PLD5: variants seen among roughly 807,000 people sequenced by gnomAD.
The protein encoded by PLD5 is inactive phospholipase D5.
PLD5 carries 36 observed loss-of-function variants against 61.1 expected under a neutral mutation model. The observed-to-expected ratio is 0.59, with a 90% CI of 0.45 to 0.78. The LOEUF (loss-of-function observed/expected upper bound fraction) is 0.78, where lower values mean the gene tolerates loss of function less well. Ranked by LOEUF, PLD5 falls within the 30% of genes least tolerant of loss-of-function variation. The pLI is 0.00. For missense variants in PLD5, 515 were observed against 644.4 expected (o/e 0.80, Z 2.17); for synonymous variants, 243 against 242.8 (o/e 1.00, Z -0.01).
At chr1:242,485,250 G>C in intron 1 of PLD5, among the ~76,000 whole-genome samples, 1 of 152,052 alleles carries the variant, frequency 6.6e-6, no homozygotes, top group East Asian at 1.9e-4. Flanking sequence ...ATTCAATTAG[G>C]AAAAAAGGAA....
chr1:242,240,691 A>T (rs1450905044), intron 4 of PLD5, among the ~76,000 whole-genome samples: 2 of 152,164 alleles, frequency 1.3e-5, no homozygotes, highest in Non-Finnish European at 1.5e-5. Flanking sequence ...CAAAAAAAAC[A>T]AAAAATATTT....
At chr1:242,192,250 GT>G (rs1376398338) in intron 5 of PLD5, 1 of 152,330 alleles carries the variant, frequency 6.6e-6, no homozygotes, top group African/African-American at 2.4e-5. Context: ...CCATGTTTCT[GT>G]TTCTCCAGCC....
intron 1 of PLD5, among the ~76,000 whole-genome samples, chr1:242,475,834 T>G (rs1011355144): frequency 6.6e-6 from 1 of 151,970 alleles, no homozygotes; most frequent in African/African-American, 2.4e-5. Flanking sequence ...GAGTGTGTGC[T>G]CAGAGGCACC....
In PLD5 at chr1:242,394,354, ATGTGTG is replaced by A. The variant is rs1172674028; in HGVS notation, c.190-46118_190-46113del. Among the ~76,000 whole-genome samples, 2 of 90,994 alleles carry A rather than the reference ATGTGTG, an allele frequency of 2.2e-5. 1 individual carries two copies. Among genetic ancestry groups the A allele is most frequent in the Non-Finnish European group, 4.3e-5 (2 of 46,862 alleles). 59.7% of individuals were successfully genotyped at this position (90,994 alleles called of 152,430 possible). A position where few individuals can be genotyped will look rare whatever the true frequency, so the allele number is the denominator to read the frequency against. On this transcript the variant is annotated intron_variant, in intron 1 of 9. Transcript: ENST00000536534. ...TATATGTGTGTATATATGAGTATAT[ATGTGTG>A]TATATATGAGTATATATGTGTGTAT...
intron 5 of PLD5, among the ~76,000 whole-genome samples, chr1:242,161,785 G>T (rs1237065264): frequency 2.0e-5 from 3 of 152,138 alleles, no homozygotes; most frequent in African/African-American, 4.8e-5. Flanking sequence ...GTCTAGCAGG[G>T]ACTGTTAGAA....
chr1:242,372,771 A>G (rs1474054998), intron 1 of PLD5, among the ~76,000 whole-genome samples: 5 of 152,162 alleles, frequency 3.3e-5, no homozygotes, highest in Non-Finnish European at 7.3e-5. Flanking sequence ...TCCCTTCCTT[A>G]CACCTTATAC....
intron 1 of PLD5, among the ~76,000 whole-genome samples, chr1:242,371,867 G>GT (rs5782232): frequency 0.15 from 22,852 of 148,902 alleles, 1,730 homozygotes; most frequent in Admixed American, 0.2. Context: ...TTTTTTAAAA[G>GT]TTTTTTTTTT....
At chr1:242,152,498 C>T (rs1574403386) in intron 5 of PLD5, among the ~76,000 whole-genome samples, 2 of 152,072 alleles carry the variant, frequency 1.3e-5, no homozygotes, top group East Asian at 3.9e-4. Flanking sequence ...AATGCTATCC[C>T]TCCCCTAGCC....
Position 242,511,342 on chromosome 1 carries a change from C to T in PLD5, c.189+12746G>A, listed in dbSNP as rs185541634. On this transcript the variant is annotated intron_variant, in intron 1 of 9. Transcript: ENST00000536534. ...AAGAATAAATGCAATCACTCCCTAG[C>T]CCAGGAGTTGCTGAATGTGGGGATG... is the stretch of plus-strand genomic sequence containing the variant. Among the ~76,000 whole-genome samples the T allele has an allele frequency of 2.0e-5, 3 of 152,278 alleles. No individual in the cohort carries two copies. The East Asian group carries it at 5.8e-4, about 29-fold the overall frequency.
At chr1:242,309,649 C>T (rs1676582947) in intron 2 of PLD5, among the ~76,000 whole-genome samples, 1 of 145,138 alleles carries the variant, frequency 6.9e-6, no homozygotes, top group Non-Finnish European at 1.5e-5. Context: ...GCTGGGATTA[C>T]AGGCATGAGC....
chr1:242,322,794 TC>T (rs1466773480), intron 2 of PLD5, among the ~76,000 whole-genome samples: 6 of 152,232 alleles, frequency 3.9e-5, no homozygotes, highest in African/African-American at 7.2e-5. Flanking sequence ...TCCTGAGGTC[TC>T]CCCAGCCATG....
At chr1:242,414,199 G>A (rs1461016179) in intron 1 of PLD5, among the ~76,000 whole-genome samples, 1 of 152,166 alleles carries the variant, frequency 6.6e-6, no homozygotes, top group Non-Finnish European at 1.5e-5. Context: ...GAAATAAAGG[G>A]AGTTAAGACT....
At chr1:242,140,281 C>A (rs923376189) in intron 5 of PLD5, among the ~76,000 whole-genome samples, 2 of 152,164 alleles carry the variant, frequency 1.3e-5, no homozygotes, top group Non-Finnish European at 2.9e-5. Context: ...CAAGTTTTTG[C>A]AAGAAAGTCT....
rs199664202 is a variant in PLD5, at chr1:242,200,798, CA to C, written c.735+19189del. The stretch of plus-strand genomic sequence containing the variant: ...CTGTCCTGCATCTCACGCAGGGGTG[CA>C]AGTGAAGATTAAATGAATCAGGCTT... On this transcript the variant is annotated intron_variant, in intron 5 of 9. Transcript: ENST00000536534. 2.0e-3 allele frequency among the ~76,000 whole-genome samples: 299 copies of C among 152,268 alleles called. 3 individuals are homozygous for C. Among genetic ancestry groups the C allele is most frequent in the African/African-American group, 6.7e-3 (278 of 41,548 alleles).
intron 1 of PLD5, among the ~76,000 whole-genome samples, chr1:242,401,850 C>G (rs1444285441): frequency 1.3e-5 from 2 of 152,206 alleles, no homozygotes; most frequent in Non-Finnish European, 2.9e-5. Context: ...GCCTTGAGGA[C>G]AGGGACCCTG....
intron 1 of PLD5, among the ~76,000 whole-genome samples, chr1:242,409,792 GGCC>G (rs1282476168): frequency 6.6e-6 from 1 of 152,146 alleles, no homozygotes; most frequent in Non-Finnish European, 1.5e-5. Context: ...TGTAAAGGAA[GGCC>G]GCCATGATGT....
chr1:242,237,403 TC>T, intron 4 of PLD5, among the ~76,000 whole-genome samples: 1 of 152,178 alleles, frequency 6.6e-6, no homozygotes. Context: ...CAGCTCCAAA[TC>T]TGTCCTTCAA....
At chr1:242,417,551 G>T in intron 1 of PLD5, among the ~76,000 whole-genome samples, 1 of 152,214 alleles carries the variant, frequency 6.6e-6, no homozygotes, top group East Asian at 1.9e-4. Flanking sequence ...ACTGTGTGTG[G>T]GGTAGCCCTG....
At chr1:242,503,874 GTGGGAAGAACCC>G (rs1051115043) in intron 1 of PLD5, among the ~76,000 whole-genome samples, 87 of 152,298 alleles carry the variant, frequency 5.7e-4, no homozygotes, top group African/African-American at 2.1e-3. Flanking sequence ...GAGCAGAAAG[GTGGGAAGAACCC>G]TGACGATGCT....
Sources: gnomAD v4.1 joint callset for allele counts (sites outside exome capture counted in the v4.1 genomes callset) on GRCh38, gnomAD v4.1.1 for gene constraint, MANE v1.5 for transcripts, NCBI Gene and HGNC (gene_info 2026-07-23, HGNC 2026-07-21) for gene names.